ATR: variants seen among roughly 807,000 people sequenced by gnomAD.
The protein encoded by ATR is serine/threonine-protein kinase ATR.
In ATR, 142 loss-of-function variants were observed where a neutral mutation model predicts 305.3. The observed-to-expected ratio is 0.47, with a 90% CI of 0.41 to 0.53. The LOEUF (loss-of-function observed/expected upper bound fraction) is 0.53, where lower values mean the gene tolerates loss of function less well. Ranked by LOEUF, ATR falls within the 20% of genes least tolerant of loss-of-function variation. ATR has a pLI of 0.00. For missense variants in ATR, 2,135 were observed against 3,133.1 expected, an observed-to-expected ratio of 0.68 and a Z score of 7.60; for synonymous variants, 1,050 against 1,068.1, an observed-to-expected ratio of 0.98 and a Z score of 0.33.
intron 46 of ATR, chr3:142,451,475 A>C (rs1269434533): frequency 8.8e-6 from 13 of 1,485,416 alleles, no homozygotes; most frequent in Non-Finnish European, 1.1e-5. Context: ...TGGCTTGCCC[A>C]GACATCTTAC....
chr3:142,573,518 A>G (rs2035342404), intron 1 of ATR, among the ~76,000 whole-genome samples: 1 of 140,560 alleles, frequency 7.1e-6, no homozygotes, highest in South Asian at 2.1e-4. Flanking sequence ...AAAAAAAAAA[A>G]GAATCAAAGA....
At chr3:142,522,301 C>T (rs567202265) in intron 23 of ATR, among the ~76,000 whole-genome samples, 1 of 152,292 alleles carries the variant, frequency 6.6e-6, no homozygotes, top group South Asian at 2.1e-4. Flanking sequence ...CACTGGGAAA[C>T]TGAAGAATTC....
At chr3:142,468,718 G>A (rs143923275) in intron 38 of ATR, among the ~76,000 whole-genome samples, 147 of 152,132 alleles carry the variant, frequency 9.7e-4, no homozygotes, top group African/African-American at 2.9e-3. Flanking sequence ...GGCGGGGCAC[G>A]ATAGCTCATG....
intron 40 of ATR, among the ~76,000 whole-genome samples, chr3:142,466,010 CAA>C (rs143485594): frequency 3.5e-4 from 24 of 68,662 alleles, no homozygotes; most frequent in South Asian, 3.2e-3. Flanking sequence ...ACCCTGTTTC[CAA>C]AAAAAAAAAA....
Position 142,563,097 on chromosome 3 carries a change from C to A in ATR, c.305G>T (p.Trp102Leu), listed in dbSNP as rs794727632. The change falls in exon 4 of 47, where the codon TGG (tryptophan) becomes TTG (leucine). Residue 102 changes from tryptophan (W) to leucine (L), a missense_variant. Transcript: ENST00000350721. ...AKGSCIEFSN[W>L]IITRLLRIAA... is the part of the protein sequence containing the mutation. ...AATCCGCAGAAGTCTCGTTATGATC[C>A]AATTACTGAATTCTTTGAAATAAAC... The A allele has an allele frequency of 6.2e-7, 1 of 1,602,344 alleles. No homozygotes were observed. The highest frequency in any genetic ancestry group is 8.5e-7 in the Non-Finnish European group (1 of 1,176,898).
chr3:142,572,553 G>A (rs893961263), intron 1 of ATR, among the ~76,000 whole-genome samples: 1 of 151,804 alleles, frequency 6.6e-6, no homozygotes, highest in Non-Finnish European at 1.5e-5. Context: ...TGGGCAGACT[G>A]CTTGAGCTCA....
At chr3:142,559,126 C>A (rs2034787933) in intron 7 of ATR, 125 bp downstream of exon 7, 2 of 1,053,946 alleles carry the variant, frequency 1.9e-6, no homozygotes, top group Non-Finnish European at 2.7e-6. Flanking sequence ...TTTAATAGAA[C>A]TGAAATCAGG....
intron 18 of ATR, among the ~76,000 whole-genome samples, chr3:142,539,296 T>A (rs2108434583): frequency 6.6e-6 from 1 of 152,198 alleles, no homozygotes; most frequent in East Asian, 1.9e-4. Flanking sequence ...TCACTAATTT[T>A]GAGTCAGAGG....
At chr3:142,451,374 C>T in intron 46 of ATR, 1 of 1,399,060 alleles carries the variant, frequency 7.1e-7, no homozygotes, top group South Asian at 1.2e-5. Context: ...GTTTTACATA[C>T]ATAACATGGG....
chr3:142,454,277 G>A (rs1397994262), intron 45 of ATR, among the ~76,000 whole-genome samples: 3 of 152,028 alleles, frequency 2.0e-5, no homozygotes, highest in Non-Finnish European at 4.4e-5. Context: ...TAACTTTTAA[G>A]GTCTCAACTA....
intron 36 of ATR, among the ~76,000 whole-genome samples, chr3:142,470,641 T>C (rs2071239745): frequency 6.6e-6 from 1 of 152,060 alleles, no homozygotes; most frequent in African/African-American, 2.4e-5. Context: ...TTTATCATGC[T>C]CTCCCCTTAT....
intron 36 of ATR, among the ~76,000 whole-genome samples, chr3:142,475,143 C>A (rs909689125): frequency 1.1e-4 from 17 of 152,226 alleles, no homozygotes; most frequent in South Asian, 6.2e-4. Context: ...TACATGTGCA[C>A]AACGTGCAGG....
intron 1 of ATR, among the ~76,000 whole-genome samples, chr3:142,576,806 G>T (rs2035455173): frequency 6.6e-6 from 1 of 152,130 alleles, no homozygotes; most frequent in Admixed American, 6.6e-5. Context: ...CATTTAGCAA[G>T]ATTATGCAGA....
intron 27 of ATR, among the ~76,000 whole-genome samples, chr3:142,510,059 T>A (rs2032469985): frequency 7.3e-6 from 1 of 136,920 alleles, no homozygotes; most frequent in Non-Finnish European, 1.5e-5. Flanking sequence ...GAGGTTGCAG[T>A]GAGCCAAGAT....
At chr3:142,542,496 C>T (rs1032313133) in intron 17 of ATR, among the ~76,000 whole-genome samples, 169 bp downstream of exon 17, 1 of 152,110 alleles carries the variant, frequency 6.6e-6, no homozygotes, top group Non-Finnish European at 1.5e-5. Flanking sequence ...AGAAATGAAA[C>T]GAATACAATT....
intron 39 of ATR, among the ~76,000 whole-genome samples, chr3:142,466,784 G>C (rs1249845121): frequency 6.6e-6 from 1 of 152,084 alleles, no homozygotes. Context: ...AATCCAAAGA[G>C]CTCTGTAAAT....
At chr3:142,543,454 T>C (rs1325507197) in intron 16 of ATR, among the ~76,000 whole-genome samples, 1 of 146,686 alleles carries the variant, frequency 6.8e-6, no homozygotes. Flanking sequence ...TCCTCCCTCC[T>C]TTCCTCCCTC....
At chr3:142,515,576 A>G in intron 24 of ATR, 61 bp from the exon 25 acceptor site, 1 of 1,502,842 alleles carries the variant, frequency 6.7e-7, no homozygotes, top group Non-Finnish European at 9.1e-7. Context: ...ATTTTAGTAA[A>G]TTACAGCAAC....
At chr3:142,546,573 A>C (rs1169665090) in intron 16 of ATR, among the ~76,000 whole-genome samples, 1 of 152,216 alleles carries the variant, frequency 6.6e-6, no homozygotes, top group South Asian at 2.1e-4. Context: ...GGAGAGAATG[A>C]TGACTGAGAA....
Sources: gnomAD v4.1 joint callset for allele counts (sites outside exome capture counted in the v4.1 genomes callset) on GRCh38, gnomAD v4.1.1 for gene constraint, MANE v1.5 for transcripts, NCBI Gene and HGNC (gene_info 2026-07-23, HGNC 2026-07-21) for gene names.